The following MTUS2 variants were observed in gnomAD, a reference collection of about 807,000 sequenced individuals.
The protein encoded by MTUS2 is microtubule associated scaffold protein 2, also known as microtubule-associated tumor suppressor candidate 2.
Under a neutral mutation model 114.1 loss-of-function variants are expected in MTUS2, and 40 were observed. That is an observed-to-expected ratio of 0.35 (90% CI 0.27 to 0.46). MTUS2 has a LOEUF of 0.46. MTUS2 is among the 20% of genes least tolerant of loss of function. The pLI, the probability that MTUS2 is intolerant of heterozygous loss-of-function variation, is 1.00. For missense variants in MTUS2, 1,679 were observed against 1,705.4 expected, an observed-to-expected ratio of 0.98 and a Z score of 0.27; for synonymous variants, 688 against 672.0, an observed-to-expected ratio of 1.02 and a Z score of -0.37.
intron 2 of MTUS2, among the ~76,000 whole-genome samples, chr13:28,900,004 C>T (rs1412242638): frequency 6.6e-6 from 1 of 152,152 alleles, no homozygotes; most frequent in African/African-American, 2.4e-5. Context: ...TCTCCTGCCT[C>T]AGCCTCCCAA....
At chr13:29,330,841 T>C (rs1316551582) in intron 7 of MTUS2, among the ~76,000 whole-genome samples, 1 of 152,208 alleles carries the variant, frequency 6.6e-6, no homozygotes, top group Non-Finnish European at 1.5e-5. Flanking sequence ...ACTGTAGCAT[T>C]ATAGTATTGT....
intron 14 of MTUS2, among the ~76,000 whole-genome samples, chr13:29,499,857 TG>T (rs1411350202): frequency 2.0e-5 from 3 of 152,246 alleles, no homozygotes; most frequent in Non-Finnish European, 2.9e-5. Flanking sequence ...GTGCAGTTAA[TG>T]GGGGCAGACC....
intron 2 of MTUS2, among the ~76,000 whole-genome samples, chr13:28,925,670 T>G (rs181777897): frequency 5.6e-4 from 86 of 152,308 alleles, no homozygotes; most frequent in African/African-American, 2.0e-3. Flanking sequence ...ATTTACAAAC[T>G]TTGGGCCGTG....
At chr13:29,081,765 TTTTTGTTTTG>T (rs149537375) in intron 4 of MTUS2, among the ~76,000 whole-genome samples, 148,329 of 151,356 alleles carry the variant, frequency 0.98, 72,722 homozygotes, top group Non-Finnish European at 1. Flanking sequence ...GGTTTGGTTA[TTTTTGTTTTG>T]TTTTGTTTTG....
chr13:29,502,711 C>T (rs780456581), intron 15 of MTUS2, among the ~76,000 whole-genome samples: 1 of 152,252 alleles, frequency 6.6e-6, no homozygotes, highest in Non-Finnish European at 1.5e-5. Flanking sequence ...TCCTTTCAGT[C>T]GCTGGCCTTT....
At chr13:29,071,189 A>G (rs1241219997) in intron 4 of MTUS2, among the ~76,000 whole-genome samples, 7 of 150,070 alleles carry the variant, frequency 4.7e-5, no homozygotes, top group African/African-American at 1.2e-4. Context: ...TTTAGTAGAG[A>G]TGGGGTTTCA....
chr13:29,043,332 G>A (rs987530048), intron 4 of MTUS2, among the ~76,000 whole-genome samples: 8 of 151,950 alleles, frequency 5.3e-5, no homozygotes, highest in African/African-American at 1.2e-4. Flanking sequence ...GAAGTTTATC[G>A]AGACTTCTTT....
chr13:29,302,151 T>TTG (rs1461333513), intron 6 of MTUS2, among the ~76,000 whole-genome samples: 1 of 152,180 alleles, frequency 6.6e-6, no homozygotes, highest in East Asian at 1.9e-4. Context: ...GCACCTTCAA[T>TTG]TGAAATATCC....
At chr13:29,389,273 G>T (rs1470503348) in intron 8 of MTUS2, among the ~76,000 whole-genome samples, 2 of 149,626 alleles carry the variant, frequency 1.3e-5, no homozygotes, top group African/African-American at 5.0e-5. Context: ...GTGTATATAT[G>T]TATATATGTA....
intron 7 of MTUS2, among the ~76,000 whole-genome samples, chr13:29,328,267 A>T (rs1038439728): frequency 2.0e-5 from 3 of 152,284 alleles, no homozygotes; most frequent in African/African-American, 7.2e-5. Flanking sequence ...TTGAGTCAGT[A>T]TGAGTGACCA....
chr13:28,974,794 C>T (rs1428962890), intron 2 of MTUS2, among the ~76,000 whole-genome samples: 1 of 152,150 alleles, frequency 6.6e-6, no homozygotes, highest in African/African-American at 2.4e-5. Flanking sequence ...TTCCACATGT[C>T]AAATCCTGAC....
At chr13:29,292,867 C>T (rs916666741) in intron 6 of MTUS2, among the ~76,000 whole-genome samples, 7 of 151,934 alleles carry the variant, frequency 4.6e-5, no homozygotes, top group Non-Finnish European at 8.8e-5. Context: ...GAAGAAGAAA[C>T]ACACTCAAGG....
chr13:29,290,223 A>G (rs1054544163), intron 6 of MTUS2, among the ~76,000 whole-genome samples: 2 of 152,192 alleles, frequency 1.3e-5, no homozygotes, highest in Admixed American at 1.3e-4. Flanking sequence ...GTTAAAAGGT[A>G]GCTCTTTCCT....
At chr13:29,063,959 G>T (rs930976065) in intron 4 of MTUS2, among the ~76,000 whole-genome samples, 2 of 152,178 alleles carry the variant, frequency 1.3e-5, no homozygotes, top group Non-Finnish European at 2.9e-5. Context: ...ACAGCAGGAG[G>T]GGCTTCTCCA....
At chr13:28,867,481 C>G (rs1877370335) in intron 2 of MTUS2, among the ~76,000 whole-genome samples, 1 of 152,186 alleles carries the variant, frequency 6.6e-6, no homozygotes, top group East Asian at 1.9e-4. Context: ...CAGTAAATCT[C>G]TTGAGCAAAG....
chr13:29,039,582 C>T, intron 4 of MTUS2, among the ~76,000 whole-genome samples: 1 of 152,202 alleles, frequency 6.6e-6, no homozygotes, highest in East Asian at 1.9e-4. Context: ...GGGGGCCTAG[C>T]AGCTGCCTCT....
At chr13:29,274,300 C>T (rs930508464) in intron 5 of MTUS2, among the ~76,000 whole-genome samples, 29 of 151,946 alleles carry the variant, frequency 1.9e-4, no homozygotes, top group Admixed American at 1.7e-3. Flanking sequence ...TTAGTAGAGA[C>T]GGGGTTTCAC....
At chr13:29,036,853 A>AT (rs1555287905) in intron 4 of MTUS2, among the ~76,000 whole-genome samples, 1 of 133,758 alleles carries the variant, frequency 7.5e-6, no homozygotes. Context: ...TTTGGTTTCC[A>AT]TTTGCTTGGT....
intron 2 of MTUS2, among the ~76,000 whole-genome samples, chr13:28,861,865 G>A (rs142401007): frequency 6.6e-6 from 1 of 152,194 alleles, no homozygotes; most frequent in African/African-American, 2.4e-5. Context: ...CCTGTGCCTG[G>A]TTTCCCTGAC....
Sources: gnomAD v4.1 joint callset for allele counts (sites outside exome capture counted in the v4.1 genomes callset) on GRCh38, gnomAD v4.1.1 for gene constraint, MANE v1.5 for transcripts, NCBI Gene and HGNC (gene_info 2026-07-23, HGNC 2026-07-21) for gene names.